G6PC2: variants seen among roughly 807,000 people sequenced by gnomAD.
G6PC2 encodes the protein glucose-6-phosphatase catalytic subunit 2, also known as glucose-6-phosphatase 2.
A neutral mutation model predicts 35.4 loss-of-function variants in G6PC2; 41 were observed. The observed-to-expected ratio is 1.16, with a 90% CI of 0.90 to 1.50. G6PC2 has a LOEUF of 1.50. G6PC2 is among the 40% of genes most tolerant of loss of function. G6PC2 has a pLI of 0.00. For missense variants in G6PC2, 441 were observed against 426.5 expected (o/e 1.03, Z -0.30); for synonymous variants, 165 against 153.2 (o/e 1.08, Z -0.57).
At chr2:168,901,731 G>GTTTT (rs1295193951) in intron 1 of G6PC2, among the ~76,000 whole-genome samples, 182 bp downstream of exon 1, 2 of 100,042 alleles carry the variant, frequency 2.0e-5, no homozygotes, top group African/African-American at 4.7e-5. Context: ...GTATATATAT[G>GTTTT]TTTTTGTTTT....
At position 168,902,438 on chromosome 2, in the gene G6PC2, A is replaced by C; in HGVS notation, c.219-7A>C. 1.8e-6 allele frequency: 2 copies of C among 1,093,340 alleles called. No individual in the cohort carries two copies. Among genetic ancestry groups the C allele is most frequent in the Non-Finnish European group, 2.8e-6 (2 of 704,100 alleles). The allele number at this position is 1,093,340 out of a possible 1,614,324, so 67.7% of individuals were successfully genotyped here. ...ATATATGCATGTTTATAATTCTTTA[A>C]ATACAGGATATTATTTGGTCATCGA... On this transcript the variant is annotated splice_region_variant and splice_polypyrimidine_tract_variant and intron_variant, in intron 1 of 4. Transcript: ENST00000375363.
chr2:168,901,436 C>G lies in G6PC2; in HGVS notation c.105C>G (p.Pro35=). 1 of 1,593,564 alleles carries G rather than the reference C, an allele frequency of 6.3e-7. No homozygotes were observed. The highest frequency in any genetic ancestry group is 8.6e-7 in the Non-Finnish European group (1 of 1,161,278). The change falls in exon 1 of 5, where the codon CCC becomes CCG. Residue 35 remains proline, a synonymous_variant. Coordinates refer to ENST00000375363, the MANE Select transcript of G6PC2 (RefSeq NM_021176.3). ...ATTTTATGTCCAATGTTGGAGACCC[C>G]AGGAATATCTTTTTCATTTATTTTC... ...FLNFMSNVGD[P]RNIFFIYFPL...
chr2:168,907,886 TC>T lies in G6PC2; in HGVS notation c.877del (p.Arg293GlyfsTer6). On this transcript the variant is annotated frameshift_variant, in exon 5 of 5. Coordinates refer to ENST00000375363, the MANE Select transcript of G6PC2 (RefSeq NM_021176.3). LOFTEE classifies it high-confidence loss of function. ...GGGGGAAATAACTACACACTGAGCT[TC>T]CGGTTGCTCTGTGCCTTGACCTCAT... ...CRGGNNYTLSFRLLCALTSLT... is the reference protein window; with the variant it reads ...CRGGNNYTLSXRLLCALTSLT... The T allele has an allele frequency of 6.2e-7, 1 of 1,613,748 alleles. No homozygotes were observed. The highest frequency in any genetic ancestry group is 1.3e-5 in the African/African-American group (1 of 75,016).
chr2:168,904,444 A>G, intron 2 of G6PC2, 61 bp from the exon 3 acceptor site: 1 of 848,448 alleles, frequency 1.2e-6, no homozygotes, highest in Non-Finnish European at 2.1e-6. Context: ...CTATTCTATT[A>G]TTCATTTCTG....
Position 168,908,411 on chromosome 2 carries a change from A to G in G6PC2, c.*332A>G. 1 of 379,366 alleles carries G rather than the reference A, an allele frequency of 2.6e-6. No homozygotes were observed. Among genetic ancestry groups the G allele is most frequent in the Non-Finnish European group, 4.8e-6 (1 of 207,164 alleles). The allele number at this position is 379,366 out of a possible 1,614,324, so 23.5% of individuals were successfully genotyped here. On this transcript the variant is annotated 3_prime_UTR_variant, in exon 5 of 5. Transcript: ENST00000375363. The stretch of plus-strand genomic sequence containing the variant: ...ATACTAACAGTCCCCAGTAGGAGGC[A>G]AGGACTCCATTTTCTCACAGTCTTC...
At chr2:168,907,346 C>T (rs928042343) in intron 4 of G6PC2, among the ~76,000 whole-genome samples, 2 of 152,196 alleles carry the variant, frequency 1.3e-5, no homozygotes, top group Non-Finnish European at 2.9e-5. Flanking sequence ...GTGCCACCAA[C>T]TCCAGAACGA....
At position 168,907,750 on chromosome 2, in the gene G6PC2, G is replaced by A. The variant is rs150435873; in HGVS notation, c.739G>A (p.Asp247Asn). The change falls in exon 5 of 5, where the codon GAC becomes AAC. Residue 247 changes from aspartate (D) to asparagine (N), a missense_variant. Physicochemically the swap from Asp to Asn is conservative, Grantham distance 23. Coordinates refer to ENST00000375363, the MANE Select transcript of G6PC2 (RefSeq NM_021176.3). Reference sequence around the variant, plus strand: ...AGCCAAAAAGTGGTGTGCTAACCCCGACTGGATCCACATTGACACCACGCC... The same window carrying A: ...AGCCAAAAAGTGGTGTGCTAACCCCAACTGGATCCACATTGACACCACGCC... Reference protein sequence around the residue: ...PIAKKWCANPDWIHIDTTPFA... With the variant: ...PIAKKWCANPNWIHIDTTPFA... The A allele has an allele frequency of 7.4e-6, 12 of 1,613,916 alleles. No homozygotes were observed. The highest frequency in any genetic ancestry group is 1.7e-5 in the Admixed American group (1 of 59,986).
chr2:168,907,629 A>G lies in G6PC2; in HGVS notation c.618A>G (p.Thr206=), dbSNP rs745886276. The change falls in exon 5 of 5, where the codon ACA becomes ACG. Residue 206 remains threonine (T), a synonymous_variant. Coordinates refer to ENST00000375363, the MANE Select transcript of G6PC2 (RefSeq NM_021176.3). ...GCATCCAAACGGCCAGTCTGGGCAC[A>G]TACCTGAAGACCAACCTCTTTCTCT... is the stretch of plus-strand genomic sequence containing the variant. The part of the protein sequence containing the change: ...TPGIQTASLG[T]YLKTNLFLFL... 6.2e-7 allele frequency: 1 copy of G among 1,613,986 alleles called. No individual in the cohort carries two copies. Among genetic ancestry groups the G allele is most frequent in the Non-Finnish European group, 8.5e-7 (1 of 1,179,862 alleles).
At chr2:168,906,216 A>G (rs1690706963) in intron 3 of G6PC2, among the ~76,000 whole-genome samples, 2 of 151,928 alleles carry the variant, frequency 1.3e-5, no homozygotes, top group Middle Eastern at 6.8e-3. Context: ...TTTCATCTGG[A>G]TGGTAGCTGC....
chr2:168,902,965 A>G (rs1690631318), intron 2 of G6PC2: 1 of 249,592 alleles, frequency 4.0e-6, no homozygotes. Flanking sequence ...CGAATGAGGG[A>G]GGAGTAGACA....
At position 168,909,817 on chromosome 2, in the gene G6PC2, G is replaced by C. The variant is rs182566410; in HGVS notation, c.*1738G>C. On this transcript the variant is annotated 3_prime_UTR_variant, in exon 5 of 5. Transcript: ENST00000375363. The stretch of plus-strand genomic sequence containing the variant: ...TATTAATGAAAACAATACAGTTGAA[G>C]TGAGTGTTGTTTAACATGATAGTAG... 13 of 152,296 alleles carry C rather than the reference G, an allele frequency of 8.5e-5. No individual in the cohort carries two copies. In the South Asian group the frequency reaches 2.7e-3, roughly 32 times the overall value. 9.4% of individuals were successfully genotyped at this position (152,296 alleles called of 1,614,324 possible). A position where few individuals can be genotyped will look rare whatever the true frequency, so the allele number is the denominator to read the frequency against.
At position 168,906,754 on chromosome 2, in the gene G6PC2, T is replaced by C; in HGVS notation, c.531T>C (p.His177=). The C allele has an allele frequency of 6.4e-7, 1 of 1,570,408 alleles. No homozygotes were observed. The highest frequency in any genetic ancestry group is 8.8e-7 in the Non-Finnish European group (1 of 1,140,076). Residue 177 remains histidine, a synonymous_variant, in exon 4 of 5, where the codon CAT becomes CAC. Coordinates refer to ENST00000375363, the MANE Select transcript of G6PC2 (RefSeq NM_021176.3). Reference sequence around the variant, plus strand: ...TATTCATAGCAACACATTTTCCTCATCAAGTTATTCTTGGAGTAATTGGTG... The same window carrying C: ...TATTCATAGCAACACATTTTCCTCACCAAGTTATTCTTGGAGTAATTGGTG... ...SRVFIATHFP[H]QVILGVIGGM...
At chr2:168,906,602 C>T in intron 3 of G6PC2, 62 bp from the exon 4 acceptor site, 2 of 812,694 alleles carry the variant, frequency 2.5e-6, no homozygotes, top group South Asian at 2.7e-5. Context: ...ATGTCACCCC[C>T]TCTAATTTTG....
In G6PC2 at chr2:168,902,497, C is replaced by A; in HGVS notation, c.271C>A (p.Pro91Thr). The A allele has an allele frequency of 6.3e-7, 1 of 1,588,838 alleles. No homozygotes were observed. Among genetic ancestry groups the A allele is most frequent in the Non-Finnish European group, 8.6e-7 (1 of 1,157,102 alleles). ...YWWVQETQIY[P>T]NHSSPCLEQF... ...GTGGGTCCAAGAAACTCAGATTTAC[C>A]CAAATCACTCAAGTCCATGCCTTGA... The change falls in exon 2 of 5, where the codon CCA (proline) becomes ACA (threonine). Residue 91 changes from proline (P) to threonine (T), a missense_variant. By Grantham distance (38) the Pro-to-Thr change is conservative. Transcript: ENST00000375363.
chr2:168,906,025 A>G (rs1256141683), intron 3 of G6PC2, among the ~76,000 whole-genome samples: 2 of 150,360 alleles, frequency 1.3e-5, no homozygotes, highest in Admixed American at 6.7e-5. Context: ...TTTTTAATCC[A>G]AAGTGTATAA....
Position 168,901,319 on chromosome 2 carries a change from CCT to C in G6PC2, c.-10_-9del. The C allele has an allele frequency of 1.4e-6, 2 of 1,440,522 alleles. No individual in the cohort carries two copies. The highest frequency in any genetic ancestry group is 2.0e-6 in the Non-Finnish European group (2 of 1,021,742). 89.2% of individuals were successfully genotyped at this position (1,440,522 alleles called of 1,614,324 possible). A position where few individuals can be genotyped will look rare whatever the true frequency, so the allele number is the denominator to read the frequency against. On this transcript the variant is annotated 5_prime_UTR_variant, in exon 1 of 5. Coordinates refer to ENST00000375363, the MANE Select transcript of G6PC2 (RefSeq NM_021176.3). The stretch of plus-strand genomic sequence containing the variant: ...TCCAATTGCTCTATGTTTAGAATTG[CCT>C]CTTTTTCAAGATGGATTTCCTTCAC...
rs139331128 is a variant in G6PC2 at position 168,907,929 on chromosome 2, C to A, written c.918C>A (p.Leu306=). The A allele has an allele frequency of 6.3e-5, 101 of 1,614,050 alleles. No individual in the cohort carries two copies. The highest frequency in any genetic ancestry group is 7.5e-5 in the Non-Finnish European group (88 of 1,180,010). ...TGACCTCATTGACAATACTGCAGCT[C>A]TACCATTTCCTCCAGATCCCGACTC... The part of the protein sequence containing the change: ...CALTSLTILQ[L]YHFLQIPTHE... The change falls in exon 5 of 5, where the codon CTC becomes CTA. Residue 306 remains leucine (L), a synonymous_variant. Coordinates refer to ENST00000375363, the MANE Select transcript of G6PC2 (RefSeq NM_021176.3).
At chr2:168,907,454 TGTCTAATGCCCTTTGTCATTGAA>T in intron 4 of G6PC2, 91 bp from the exon 5 acceptor site, 2 of 1,043,148 alleles carry the variant, frequency 1.9e-6, no homozygotes, top group Non-Finnish European at 3.0e-6. Context: ...AGAACCTCTG[TGTCTAATGCCCTTTGTCATTGAA>T]AACTGTGGCA....
chr2:168,901,611 A>C, intron 1 of G6PC2, 62 bp downstream of exon 1: 1 of 859,512 alleles, frequency 1.2e-6, no homozygotes, highest in East Asian at 2.6e-5. Flanking sequence ...TGACTTCGGC[A>C]TAATGATCAC....
Sources: allele counts gnomAD v4.1 joint callset (sites outside exome capture counted in the v4.1 genomes callset), GRCh38; gene constraint gnomAD v4.1.1; transcripts MANE v1.5; gene names NCBI Gene and HGNC (gene_info 2026-07-23, HGNC 2026-07-21).